Variants in MMP9 observed in about 807,000 individuals in gnomAD.
MMP9 encodes the protein matrix metallopeptidase 9.
In MMP9, 73 loss-of-function variants were observed where a neutral mutation model predicts 76.4. The observed-to-expected ratio is 0.96, with a 90% CI of 0.79 to 1.16. The LOEUF is 1.16. Ranked by LOEUF, MMP9 falls within the 50% of genes most tolerant of loss-of-function variation. The pLI, the probability that MMP9 is intolerant of heterozygous loss-of-function variation, is 0.00. For missense variants in MMP9, 943 were observed against 973.0 expected (o/e 0.97, Z 0.41); for synonymous variants, 412 against 408.4 (o/e 1.01, Z -0.11).
Position 46,009,896 on chromosome 20 carries a change from G to T in MMP9, c.169G>T (p.Val57Leu). The change falls in exon 2 of 13, where the codon GTG becomes TTG. Residue 57 changes from valine to leucine, a missense_variant. Transcript: ENST00000372330. ...EYLYRYGYTRVAEMRGESKSL... is the reference protein window; with the variant it reads ...EYLYRYGYTRLAEMRGESKSL... ...CCTGTACCGCTATGGTTACACTCGG[G>T]TGGCAGAGATGCGTGGAGAGTCGAA... 5 of 1,552,180 alleles carry T rather than the reference G, an allele frequency of 3.2e-6. No homozygotes were observed. Among genetic ancestry groups the T allele is most frequent in the Non-Finnish European group, 4.4e-6 (5 of 1,147,220 alleles).
In MMP9 at chr20:46,009,036, C is replaced by T; in HGVS notation, c.110C>T (p.Thr37Ile). 1 of 1,613,898 alleles carries T rather than the reference C, an allele frequency of 6.2e-7. No individual in the cohort carries two copies. The highest frequency in any genetic ancestry group is 8.5e-7 in the Non-Finnish European group (1 of 1,179,930). Reference protein sequence around the residue: ...TLVLFPGDLRTNLTDRQLAEE... With the variant: ...TLVLFPGDLRINLTDRQLAEE... ...GTGCTCTTCCCTGGAGACCTGAGAA[C>T]CAATCTCACCGACAGGCAGCTGGCA... The change falls in exon 1 of 13, where the codon ACC becomes ATC. Residue 37 changes from threonine to isoleucine, a missense_variant. Physicochemically the swap from Thr to Ile is moderately conservative, Grantham distance 89. Transcript: ENST00000372330.
At chr20:46,010,149 G>T in intron 2 of MMP9, 51 bp downstream of exon 2, 1 of 1,481,436 alleles carries the variant, frequency 6.8e-7, no homozygotes, top group South Asian at 1.2e-5. Flanking sequence ...GCCAGGTCTG[G>T]CTCTTGGGCC....
In MMP9 at chr20:46,014,665, C is replaced by A; in HGVS notation, c.2005+191C>A. ...TCAGGGATGCAACCAAGACCAGGAC[C>A]CAGATTTCCTGCCTCCCCGGCTGGA... On this transcript the variant is annotated intron_variant, in intron 12 of 12. Coordinates refer to ENST00000372330, the MANE Select transcript of MMP9 (RefSeq NM_004994.3). 4 of 657,384 alleles carry A rather than the reference C, an allele frequency of 6.1e-6. No homozygotes were observed. The Admixed American group carries it at 1.0e-4, about 17-fold the overall frequency. The allele number at this position is 657,384 out of a possible 1,614,324, so 40.7% of individuals were successfully genotyped here. A position where few individuals can be genotyped will look rare whatever the true frequency, so the allele number is the denominator to read the frequency against.
rs779963436 is a variant in MMP9 at position 46,012,534 on chromosome 20, G to GTACATA, written c.1282_1283insTACATA (p.Gly428delinsValHisArg). 4 of 1,614,006 alleles carry GTACATA rather than the reference G, an allele frequency of 2.5e-6. No individual in the cohort carries two copies. The East Asian group carries it at 8.9e-5, about 36-fold the overall frequency. ...GTACCCTATGTACCGCTTCACTGAG[G>GTACATA]GGCCCCCCTTGCATAAGGACGACGT... On this transcript the variant is annotated protein_altering_variant, in exon 8 of 13. Transcript: ENST00000372330.
Position 46,011,071 on chromosome 20 carries a change from G to A in MMP9, c.649+21G>A, listed in dbSNP as rs372041844. On this transcript the variant is annotated intron_variant, in intron 4 of 12. Coordinates refer to ENST00000372330, the MANE Select transcript of MMP9 (RefSeq NM_004994.3). ...CGTCGGTGAGATTCTGAGTCCTCCT[G>A]GCCCCTGATTCCCTTCATTCTCTCC... 1.9e-6 allele frequency: 3 copies of A among 1,613,606 alleles called. No homozygotes were observed. In the African/African-American group the frequency reaches 4.0e-5, roughly 22 times the overall value.
chr20:46,011,781 C>CCCTCTCATCATGTATTGGCCCCCAAAACG (rs2084281404), intron 6 of MMP9, 34 bp downstream of exon 6: 1 of 1,590,552 alleles, frequency 6.3e-7, no homozygotes, highest in Non-Finnish European at 8.5e-7. Context: ...TTCAGCCCCG[C>CCCTCTCATCATGTATTGGCCCCCAAAACG]CCTCTCATCA....
At chr20:46,011,347 G>A (rs777007937) in intron 5 of MMP9, 31 bp downstream of exon 5, 64 of 1,595,540 alleles carry the variant, frequency 4.0e-5, no homozygotes, top group Admixed American at 1.3e-4. Flanking sequence ...AGGGCTGGGG[G>A]CGCCCACCAC....
chr20:46,012,077 G>T, intron 6 of MMP9, 60 bp from the exon 7 acceptor site: 1 of 1,595,088 alleles, frequency 6.3e-7, no homozygotes, highest in Non-Finnish European at 8.6e-7. Flanking sequence ...TGTCGGGTCG[G>T]CCCCTGACTC....
chr20:46,013,419 G>C lies in MMP9; in HGVS notation c.1495G>C (p.Ala499Pro). The C allele has an allele frequency of 6.2e-7, 1 of 1,613,672 alleles. No homozygotes were observed. Among genetic ancestry groups the C allele is most frequent in the Middle Eastern group, 1.7e-4 (1 of 6,060 alleles). The change falls in exon 9 of 13, where the codon GCT becomes CCT. Residue 499 changes from alanine to proline, a missense_variant. By Grantham distance (27) the Ala-to-Pro change is conservative (BLOSUM62 -1). Transcript: ENST00000372330. This position sits in a 1 kb window ranked among gnomAD's most constrained non-coding sequence, Gnocchi z 4.5. ...PSAGPTGPPT[A>P]GPSTATTVPL... is the part of the protein sequence containing the mutation. ...AGCTGGCCCCACAGGTCCCCCCACT[G>C]CTGGCCCTTCTACGGCCACTACTGT...
At chr20:46,014,992 AT>A (rs996610511) in intron 12 of MMP9, among the ~76,000 whole-genome samples, 1 of 151,902 alleles carries the variant, frequency 6.6e-6, no homozygotes, top group African/African-American at 2.4e-5. Context: ...CGAGTCTGTC[AT>A]TTTTTTTGCC....
At position 46,010,104 on chromosome 20, in the gene MMP9, C is replaced by A; in HGVS notation, c.371+6C>A. On this transcript the variant is annotated splice_donor_region_variant and intron_variant, in intron 2 of 12. Coordinates refer to ENST00000372330, the MANE Select transcript of MMP9 (RefSeq NM_004994.3). Reference sequence around the variant, plus strand: ...CACCACAACATCACCTATTGGTGAGCCGGGGCCGTGGGGGCAGCGGGGTGG... The same window carrying A: ...CACCACAACATCACCTATTGGTGAGACGGGGCCGTGGGGGCAGCGGGGTGG... 6.5e-7 allele frequency: 1 copy of A among 1,542,920 alleles called. No homozygotes were observed. The highest frequency in any genetic ancestry group is 8.8e-7 in the Non-Finnish European group (1 of 1,141,380).
In MMP9 at chr20:46,016,394, C is replaced by T. The variant is rs1332787700; in HGVS notation, c.*26C>T. On this transcript the variant is annotated 3_prime_UTR_variant, in exon 13 of 13. Coordinates refer to ENST00000372330, the MANE Select transcript of MMP9 (RefSeq NM_004994.3). Reference sequence around the variant, plus strand: ...GGCTCCCGTCCTGCTTTGGCAGTGCCATGTAAATCCCCACTGGGACCAACC... The same window carrying T: ...GGCTCCCGTCCTGCTTTGGCAGTGCTATGTAAATCCCCACTGGGACCAACC... 3 of 1,584,828 alleles carry T rather than the reference C, an allele frequency of 1.9e-6. No individual in the cohort carries two copies. In the South Asian group the frequency reaches 3.3e-5, roughly 18 times the overall value.
At chr20:46,010,313 T>G (rs1230113813) in intron 2 of MMP9, among the ~76,000 whole-genome samples, 170 bp from the exon 3 acceptor site, 2 of 12,004 alleles carry the variant, frequency 1.7e-4, no homozygotes, top group African/African-American at 7.5e-4. Flanking sequence ...TGTGAGGGTC[T>G]AAGTAGACAA....
At chr20:46,010,319 G>GAAAAAAAAAAA (rs2084267884) in intron 2 of MMP9, among the ~76,000 whole-genome samples, 164 bp from the exon 3 acceptor site, 3 of 1,522 alleles carry the variant, frequency 2.0e-3, no homozygotes, top group Non-Finnish European at 5.0e-3. Flanking sequence ...GGTCTAAGTA[G>GAAAAAAAAAAA]ACAAAAAAAA....
chr20:46,014,474 G>T lies in MMP9; in HGVS notation c.2005G>T (p.Glu669Ter). The T allele has an allele frequency of 1.3e-6, 2 of 1,549,858 alleles. No homozygotes were observed. ...LDTHDVFQYR[E>*]KAYFCQDRFY... ...CACGCACGACGTCTTCCAGTACCGA[G>T]GTGAGGGCTGAGGAGGATCCCTTCG... The change falls in exon 12 of 13, where the codon GAG (glutamate) becomes TAG (stop). Residue 669 changes from glutamate (E) to a stop codon, truncating the protein, a stop_gained and splice_region_variant. Coordinates refer to ENST00000372330, the MANE Select transcript of MMP9 (RefSeq NM_004994.3). LOFTEE classifies it high-confidence loss of function.
Position 46,014,049 on chromosome 20 carries a change from A to T in MMP9, c.1751-75A>T, listed in dbSNP as rs1243476250. ...CGCGGGCTAGGAAAGGCCTCGCCGG[A>T]ATCTCCCTCCTCGCGTTCTAGGAGT... On this transcript the variant is annotated intron_variant, in intron 10 of 12. Transcript: ENST00000372330. 5.2e-6 allele frequency: 8 copies of T among 1,527,006 alleles called. No homozygotes were observed. In the East Asian group the frequency reaches 1.5e-4, roughly 28 times the overall value. 94.6% of individuals were successfully genotyped at this position (1,527,006 alleles called of 1,614,324 possible).
At chr20:46,011,349 GC>G (rs1360816192) in intron 5 of MMP9, 33 bp downstream of exon 5, 2 of 1,594,262 alleles carry the variant, frequency 1.3e-6, no homozygotes, top group East Asian at 4.5e-5. Context: ...GGCTGGGGGC[GC>G]CCACCACCCT....
Position 46,012,256 on chromosome 20 carries a change from T to G in MMP9, c.1117T>G (p.Cys373Gly). Residue 373 changes from cysteine to glycine, a missense_variant, in exon 7 of 13, where the codon TGC (cysteine) becomes GGC (glycine). Physicochemically the swap from Cys to Gly is radical, Grantham distance 159. Transcript: ENST00000372330. ...SEGRGDGRLW[C>G]ATTSNFDSDK... ...GGGCCGCGGAGATGGGCGCCTCTGG[T>G]GCGCTACCACCTCGAACTTTGACAG... is the stretch of plus-strand genomic sequence containing the variant. 3 of 1,614,050 alleles carry G rather than the reference T, an allele frequency of 1.9e-6. No individual in the cohort carries two copies. Among genetic ancestry groups the G allele is most frequent in the Non-Finnish European group, 2.5e-6 (3 of 1,180,034 alleles).
In MMP9 at chr20:46,012,233, G is replaced by A. The variant is rs750611219; in HGVS notation, c.1094G>A (p.Gly365Asp). ...GAGTACTCGACCTGTACCAGCGAGG[G>A]CCGCGGAGATGGGCGCCTCTGGTGC... is the stretch of plus-strand genomic sequence containing the variant. ...GKEYSTCTSE[G>D]RGDGRLWCAT... Residue 365 changes from glycine (G) to aspartate (D), a missense_variant, in exon 7 of 13, where the codon GGC (glycine) becomes GAC (aspartate). Gly to Asp is a moderately conservative substitution (Grantham distance 94, BLOSUM62 -1). Transcript: ENST00000372330. 3.1e-6 allele frequency: 5 copies of A among 1,614,110 alleles called. No homozygotes were observed. The Admixed American group carries it at 8.3e-5, about 27-fold the overall frequency.
Sources: allele counts gnomAD v4.1 joint callset (sites outside exome capture counted in the v4.1 genomes callset), GRCh38; gene constraint gnomAD v4.1.1; non-coding constraint Gnocchi (gnomAD v3.1); transcripts MANE v1.5; gene names NCBI Gene and HGNC (gene_info 2026-07-23, HGNC 2026-07-21).